The following SSH1 variants were observed in gnomAD, a reference collection of about 807,000 sequenced individuals.
SSH1 encodes the protein slingshot protein phosphatase 1, also known as protein phosphatase Slingshot homolog 1.
A neutral mutation model predicts 79.7 loss-of-function variants in SSH1; 43 were observed. The ratio of observed to expected loss-of-function variants is 0.54; its 90% CI spans 0.42 to 0.70. SSH1 has a LOEUF of 0.70. Among genes scored for constraint, SSH1 ranks in the 30% least tolerant of loss-of-function variants. The pLI is 0.00. For synonymous variants in SSH1, 599 were observed against 538.3 expected, an observed-to-expected ratio of 1.11 and a Z score of -1.56; for missense variants, 1,206 against 1,358.8, an observed-to-expected ratio of 0.89 and a Z score of 1.77.
rs1489642930 is a variant in SSH1 at position 108,853,015 on chromosome 12, T to C, written c.70-337A>G. 4 of 985,250 alleles carry C rather than the reference T, an allele frequency of 4.1e-6. No individual in the cohort carries two copies. The African/African-American group carries it at 5.2e-5, about 13-fold the overall frequency. 61.0% of individuals were successfully genotyped at this position (985,250 alleles called of 1,614,324 possible). A position where few individuals can be genotyped will look rare whatever the true frequency, so the allele number is the denominator to read the frequency against. On this transcript the variant is annotated intron_variant, in intron 1 of 14. Transcript: ENST00000326495. ...CTTTCCGAGGTTGTTCTGGACCTTATCCTGTTTTTCTCTTTTAAGGGGAGG... is the reference window on the plus strand; with the variant it reads ...CTTTCCGAGGTTGTTCTGGACCTTACCCTGTTTTTCTCTTTTAAGGGGAGG...
chr12:108,794,458 C>T (rs1445757353), intron 13 of SSH1, among the ~76,000 whole-genome samples: 2 of 152,240 alleles, frequency 1.3e-5, no homozygotes, highest in Non-Finnish European at 2.9e-5. Flanking sequence ...CTCTCAGCGT[C>T]AGCTCCTTAT....
intron 14 of SSH1, 137 bp downstream of exon 14, chr12:108,792,149 C>G: frequency 6.6e-7 from 1 of 1,518,548 alleles, no homozygotes; most frequent in Non-Finnish European, 8.9e-7. Context: ...GCTGGGGGCC[C>G]AGAGGAGACA....
chr12:108,848,287 C>T (rs1222269853), intron 2 of SSH1, among the ~76,000 whole-genome samples: 3 of 152,088 alleles, frequency 2.0e-5, no homozygotes, highest in African/African-American at 7.2e-5. Context: ...AAGACCCGAT[C>T]CATGTGACCC....
rs191385103 is a variant in SSH1, at chr12:108,807,698, G to A, written c.666C>T (p.Asn222=). 763 of 1,613,362 alleles carry A rather than the reference G, an allele frequency of 4.7e-4. 2 individuals are homozygous for A. The highest frequency in any genetic ancestry group is 8.9e-5 in the East Asian group (4 of 44,794). The stretch of plus-strand genomic sequence containing the variant: ...CCAGGTCCTGCATGGCGTTCCACTC[G>A]TTGATGCAGCTCTGCTCGGAGCTGA... ...SCISSEQSCI[N]EWNAMQDLES... The change falls in exon 8 of 15, where the codon AAC becomes AAT. Residue 222 remains asparagine, a synonymous_variant. Transcript: ENST00000326495. This position sits in a 1 kb window ranked among gnomAD's most constrained non-coding sequence, Gnocchi z 5.2.
At chr12:108,827,152 A>T in intron 2 of SSH1, 1 of 1,022,462 alleles carries the variant, frequency 9.8e-7, no homozygotes, top group Non-Finnish European at 1.4e-6. Flanking sequence ...CAGACAAAAA[A>T]CCTCAATCAA....
intron 10 of SSH1, among the ~76,000 whole-genome samples, chr12:108,802,592 G>A (rs556163337): frequency 4.6e-5 from 7 of 152,266 alleles, no homozygotes; most frequent in Admixed American, 2.6e-4. Flanking sequence ...GAAGGGTCCC[G>A]GCCCTCACTG....
chr12:108,803,871 A>G (rs543214850), intron 10 of SSH1, among the ~76,000 whole-genome samples: 13 of 152,326 alleles, frequency 8.5e-5, no homozygotes, highest in African/African-American at 2.9e-4. Flanking sequence ...AATGTATTAA[A>G]AAATATACAT....
intron 5 of SSH1, among the ~76,000 whole-genome samples, chr12:108,815,359 G>A (rs1433254394): frequency 6.6e-6 from 1 of 152,234 alleles, no homozygotes; most frequent in East Asian, 1.9e-4. Context: ...TCTACAGTCA[G>A]GAGGACTGGG....
intron 2 of SSH1, among the ~76,000 whole-genome samples, chr12:108,841,842 GTATATA>G (rs34543723): frequency 9.5e-5 from 14 of 147,172 alleles, no homozygotes; most frequent in Middle Eastern, 3.7e-3. Context: ...GTGTGTGTGT[GTATATA>G]TATATATATA....
At position 108,788,251 on chromosome 12, in the gene SSH1, G is replaced by A. The variant is rs1461306443; in HGVS notation, c.2887C>T (p.Arg963Trp). The A allele has an allele frequency of 4.3e-6, 7 of 1,613,692 alleles. No homozygotes were observed. Among genetic ancestry groups the A allele is most frequent in the African/African-American group, 1.3e-5 (1 of 74,876 alleles). ...QRTQEIETRL[R>W]LAGLTVSSPL... ...GAAGAGACGGTGAGGCCCGCCAGCCGGAGCCGGGTCTCAATCTCCTGTGTC... is the reference window on the plus strand; with the variant it reads ...GAAGAGACGGTGAGGCCCGCCAGCCAGAGCCGGGTCTCAATCTCCTGTGTC... The change falls in exon 15 of 15, where the codon CGG becomes TGG. Residue 963 changes from arginine (R) to tryptophan (W), a missense_variant. Around this residue, in one of 5 missense-constraint regions of SSH1, gnomAD observed 709 missense variants for 730.6 expected, o/e 0.97. Transcript: ENST00000326495.
rs776520360 is a variant in SSH1 at position 108,792,701 on chromosome 12, G to T, written c.1478C>A (p.Pro493His). Residue 493 changes from proline (P) to histidine (H), a missense_variant, in exon 14 of 15, where the codon CCC becomes CAC. Pro to His is a moderately conservative substitution (Grantham distance 77). Coordinates refer to ENST00000326495, the MANE Select transcript of SSH1 (RefSeq NM_018984.4). The stretch of plus-strand genomic sequence containing the variant: ...GGGCTGGGCGGCATCATCCAAGAAG[G>T]GCAGCTGGCTTTCCGGGGTGCCATC... Reference protein sequence around the residue: ...TPDGTPESQLPFLDDAAQPGL... With the variant: ...TPDGTPESQLHFLDDAAQPGL... The T allele has an allele frequency of 2.5e-6, 4 of 1,613,252 alleles. No homozygotes were observed. In the Admixed American group the frequency reaches 5.0e-5, roughly 20 times the overall value.
At chr12:108,818,363 G>GC in intron 3 of SSH1, 50 bp from the exon 4 acceptor site, 5 of 1,563,758 alleles carry the variant, frequency 3.2e-6, no homozygotes, top group Non-Finnish European at 4.4e-6. Context: ...CTACTCTCTA[G>GC]GAAAAAAAAC....
intron 14 of SSH1, 139 bp downstream of exon 14, chr12:108,792,147 C>A (rs2036528956): frequency 1.3e-6 from 2 of 1,515,642 alleles, no homozygotes; most frequent in African/African-American, 2.8e-5. Context: ...GAGCTGGGGG[C>A]CCAGAGGAGA....
chr12:108,856,371 G>A (rs1279106220), intron 1 of SSH1, among the ~76,000 whole-genome samples: 1 of 152,202 alleles, frequency 6.6e-6, no homozygotes, highest in Non-Finnish European at 1.5e-5. Flanking sequence ...ATCAACCCCA[G>A]AGGAAAAAGT....
intron 2 of SSH1, among the ~76,000 whole-genome samples, chr12:108,849,459 AGGTG>A (rs1265768648): frequency 2.0e-5 from 3 of 152,162 alleles, no homozygotes; most frequent in African/African-American, 7.2e-5. Context: ...TGGGAGGCTG[AGGTG>A]GGAAGATAGC....
At chr12:108,832,091 AAAC>A (rs1201393956) in intron 2 of SSH1, among the ~76,000 whole-genome samples, 2 of 152,278 alleles carry the variant, frequency 1.3e-5, no homozygotes, top group East Asian at 3.9e-4. Context: ...TCCCCTGATG[AAAC>A]AACCCCAGCC....
chr12:108,835,909 A>AATTATAACTATATTAATATAATCG lies in SSH1; in HGVS notation c.111-12549_111-12548insCGATTATATTAATATAGTTATAAT, dbSNP rs1566012833. 6.2e-4 allele frequency among the ~76,000 whole-genome samples: 48 copies of AATTATAACTATATTAATATAATCG among 77,640 alleles called. 1 individual carries two copies. Among genetic ancestry groups the AATTATAACTATATTAATATAATCG allele is most frequent in the African/African-American group, 2.4e-3 (47 of 19,728 alleles). 50.9% of individuals were successfully genotyped at this position (77,640 alleles called of 152,430 possible). ...TAATTATAACTATATTAATATAATT[A>AATTATAACTATATTAATATAATCG]ATTATAACTATATTAATATAATCAA... On this transcript the variant is annotated intron_variant, in intron 2 of 14. Coordinates refer to ENST00000326495, the MANE Select transcript of SSH1 (RefSeq NM_018984.4).
At position 108,799,161 on chromosome 12, in the gene SSH1, G is replaced by A. The variant is rs372657621; in HGVS notation, c.1188C>T (p.Gly396=). The A allele has an allele frequency of 1.2e-5, 20 of 1,614,048 alleles. No homozygotes were observed. In the East Asian group the frequency reaches 2.0e-4, roughly 16 times the overall value. ...HSKCLVHCKM[G]VSRSASTVIA... ...TGACTGTGGAGGCCGAGCGACTCAC[G>A]CCCATTTTGCAATGCACCAGGCACT... is the stretch of plus-strand genomic sequence containing the variant. Residue 396 remains glycine (G), a synonymous_variant, in exon 13 of 15, where the codon GGC becomes GGT. Coordinates refer to ENST00000326495, the MANE Select transcript of SSH1 (RefSeq NM_018984.4).
intron 7 of SSH1, among the ~76,000 whole-genome samples, chr12:108,808,817 ACTT>A (rs1344860374): frequency 2.0e-4 from 22 of 109,072 alleles, no homozygotes; most frequent in African/African-American, 7.2e-4. Flanking sequence ...ACCCTCTTTT[ACTT>A]CTTTTTTTTT....
Sources: allele counts gnomAD v4.1 joint callset (sites outside exome capture counted in the v4.1 genomes callset), GRCh38; gene constraint gnomAD v4.1.1; regional missense constraint gnomAD v4.1.1; non-coding constraint Gnocchi (gnomAD v3.1); transcripts MANE v1.5; gene names NCBI Gene and HGNC (gene_info 2026-07-23, HGNC 2026-07-21).